STX8: variants seen among roughly 807,000 people sequenced by gnomAD.
The protein encoded by STX8 is syntaxin-8.
A neutral mutation model predicts 37.5 loss-of-function variants in STX8; 23 were observed. The ratio of observed to expected loss-of-function variants is 0.61; its 90% CI spans 0.44 to 0.87. STX8 has a LOEUF of 0.87. Among genes scored for constraint, STX8 ranks in the 40% least tolerant of loss-of-function variants. STX8 has a pLI of 0.00. For synonymous variants in STX8, 115 were observed against 99.1 expected, an observed-to-expected ratio of 1.16 and a Z score of -0.95; for missense variants, 313 against 284.7, an observed-to-expected ratio of 1.10 and a Z score of -0.71.
At chr17:9,276,525 T>A (rs1273442917) in intron 7 of STX8, among the ~76,000 whole-genome samples, 1 of 152,124 alleles carries the variant, frequency 6.6e-6, no homozygotes, top group East Asian at 1.9e-4. Flanking sequence ...AGGATCTCCA[T>A]CACTTCCGAA....
intron 7 of STX8, among the ~76,000 whole-genome samples, chr17:9,348,307 A>G (rs1041489831): frequency 6.6e-6 from 1 of 151,202 alleles, no homozygotes; most frequent in South Asian, 2.1e-4. Context: ...AATCCCAGCT[A>G]CTCAGAAGGC....
chr17:9,300,331 C>CAAAAAAAAAAAAAAAAA (rs3060137), intron 7 of STX8, among the ~76,000 whole-genome samples: 2 of 69,312 alleles, frequency 2.9e-5, no homozygotes, highest in Admixed American at 1.9e-4. Context: ...AACTCCATCT[C>CAAAAAAAAAAAAAAAAA]AAAAAAAAAA....
intron 6 of STX8, among the ~76,000 whole-genome samples, chr17:9,429,019 C>T (rs1244794196): frequency 6.6e-6 from 1 of 151,962 alleles, no homozygotes; most frequent in Non-Finnish European, 1.5e-5. Context: ...GAAAGGGTAC[C>T]TTTGACTTGG....
At chr17:9,545,139 A>G in intron 4 of STX8, 33 bp downstream of exon 4, 1 of 1,496,294 alleles carries the variant, frequency 6.7e-7, no homozygotes, top group Non-Finnish European at 9.3e-7. Flanking sequence ...GTCTTCGCCC[A>G]CCAAGTAATC....
intron 7 of STX8, among the ~76,000 whole-genome samples, chr17:9,362,837 A>AAAAAAAAAT (rs1911106370): frequency 4.1e-5 from 5 of 121,824 alleles, no homozygotes; most frequent in Admixed American, 3.8e-4. Flanking sequence ...TCAAAAAAAA[A>AAAAAAAAAT]AAAAAATAAA....
chr17:9,359,332 G>GT (rs1172885654), intron 7 of STX8, among the ~76,000 whole-genome samples: 1 of 152,066 alleles, frequency 6.6e-6, no homozygotes, highest in Non-Finnish European at 1.5e-5. Context: ...AGGAAAAGAG[G>GT]TATTACTCTC....
rs57490676 is a variant in STX8 at position 9,506,407 on chromosome 17, T to TCCCCCCCCCCCCCCCCCCC, written c.324-1246_324-1245insGGGGGGGGGGGGGGGGGGG. Among the ~76,000 whole-genome samples the TCCCCCCCCCCCCCCCCCCC allele has an allele frequency of 3.8e-4, 15 of 39,332 alleles. 2 individuals are homozygous for TCCCCCCCCCCCCCCCCCCC. The highest frequency in any genetic ancestry group is 8.7e-4 in the Admixed American group (2 of 2,308). The allele number at this position is 39,332 out of a possible 152,430, so 25.8% of individuals were successfully genotyped here. A position where few individuals can be genotyped will look rare whatever the true frequency, so the allele number is the denominator to read the frequency against. On this transcript the variant is annotated intron_variant, in intron 4 of 7. Transcript: ENST00000306357. The stretch of plus-strand genomic sequence containing the variant: ...TTAGAGTCAGCTGGTGCTCACCCGC[T>TCCCCCCCCCCCCCCCCCCC]CCCCCCCCCCCCCACCCACCTTTCT...
chr17:9,325,250 C>T (rs1197002164), intron 7 of STX8, among the ~76,000 whole-genome samples: 1 of 152,174 alleles, frequency 6.6e-6, no homozygotes, highest in Non-Finnish European at 1.5e-5. Context: ...ATAACCCCCT[C>T]ATAAGTCAAA....
At chr17:9,276,026 C>T (rs546697984) in intron 7 of STX8, among the ~76,000 whole-genome samples, 8 of 152,154 alleles carry the variant, frequency 5.3e-5, no homozygotes, top group African/African-American at 1.4e-4. Context: ...TGCCTACAGC[C>T]CCTTCAAATG....
chr17:9,501,062 A>G (rs1307588439), intron 5 of STX8, among the ~76,000 whole-genome samples: 1 of 152,194 alleles, frequency 6.6e-6, no homozygotes, highest in Non-Finnish European at 1.5e-5. Context: ...TAAAAGATAT[A>G]TAAGACACGT....
At chr17:9,333,336 T>C (rs1910022035) in intron 7 of STX8, among the ~76,000 whole-genome samples, 1 of 152,206 alleles carries the variant, frequency 6.6e-6, no homozygotes, top group African/African-American at 2.4e-5. Flanking sequence ...CACTTATAAG[T>C]GAGAACACAT....
chr17:9,337,371 C>T (rs116857122), intron 7 of STX8, among the ~76,000 whole-genome samples: 333 of 152,020 alleles, frequency 2.2e-3, no homozygotes, highest in Non-Finnish European at 4.1e-3. Flanking sequence ...CTCTCCTCTG[C>T]CATCTCTTAT....
chr17:9,539,856 CA>C (rs564121466), intron 4 of STX8, among the ~76,000 whole-genome samples: 42 of 152,016 alleles, frequency 2.8e-4, no homozygotes, highest in Non-Finnish European at 5.4e-4. Flanking sequence ...TGAGTTTCTC[CA>C]AAGATAGATA....
chr17:9,502,998 C>T (rs561408515), intron 5 of STX8, among the ~76,000 whole-genome samples: 3 of 147,448 alleles, frequency 2.0e-5, no homozygotes, highest in Non-Finnish European at 3.0e-5. Flanking sequence ...CCCAGCCACT[C>T]GGGAAGCTGA....
At chr17:9,461,850 G>C (rs889752457) in intron 6 of STX8, among the ~76,000 whole-genome samples, 21 of 152,094 alleles carry the variant, frequency 1.4e-4, no homozygotes, top group African/African-American at 5.1e-4. Context: ...GTCCCATCTG[G>C]GGGTGATGGG....
chr17:9,397,293 G>A (rs975790614), intron 6 of STX8, among the ~76,000 whole-genome samples: 4 of 152,202 alleles, frequency 2.6e-5, no homozygotes, highest in Non-Finnish European at 5.9e-5. Context: ...CTACTCAGGA[G>A]GCTGAGGCAG....
intron 4 of STX8, among the ~76,000 whole-genome samples, chr17:9,525,119 C>A (rs995215786): frequency 2.0e-5 from 3 of 151,942 alleles, no homozygotes; most frequent in Non-Finnish European, 2.9e-5. Flanking sequence ...AACACCCACG[C>A]TTTTAACTAT....
intron 6 of STX8, among the ~76,000 whole-genome samples, chr17:9,399,410 C>T (rs529055849): frequency 2.0e-5 from 3 of 152,162 alleles, no homozygotes; most frequent in African/African-American, 7.2e-5. Flanking sequence ...CGCAAAGTGA[C>T]AGAGCTGAGG....
chr17:9,513,957 A>G (rs1905096602), intron 4 of STX8, among the ~76,000 whole-genome samples: 1 of 152,214 alleles, frequency 6.6e-6, no homozygotes, highest in Non-Finnish European at 1.5e-5. Context: ...ACTCATACGC[A>G]GAAGCTAAAA....
Sources: gnomAD v4.1 joint callset for allele counts (sites outside exome capture counted in the v4.1 genomes callset) on GRCh38, gnomAD v4.1.1 for gene constraint, MANE v1.5 for transcripts, NCBI Gene and HGNC (gene_info 2026-07-23, HGNC 2026-07-21) for gene names.